ATF7IP2: variants seen among roughly 807,000 people sequenced by gnomAD.
ATF7IP2 encodes activating transcription factor 7 interacting protein 2, also known as activating transcription factor 7-interacting protein 2.
ATF7IP2 carries 42 observed loss-of-function variants against 64.2 expected under a neutral mutation model. The ratio of observed to expected loss-of-function variants is 0.65; its 90% CI spans 0.51 to 0.85. ATF7IP2 has a LOEUF of 0.85. ATF7IP2 is among the 40% of genes least tolerant of loss of function. ATF7IP2 has a pLI of 0.00. For synonymous variants in ATF7IP2, 308 were observed against 272.8 expected, an observed-to-expected ratio of 1.13 and a Z score of -1.27; for missense variants, 933 against 784.2, an observed-to-expected ratio of 1.19 and a Z score of -2.27.
chr16:10,392,536 C>G (rs753137590), intron 1 of ATF7IP2, among the ~76,000 whole-genome samples: 23 of 151,950 alleles, frequency 1.5e-4, no homozygotes, highest in Non-Finnish European at 2.9e-4. Flanking sequence ...GTTAATTATT[C>G]TAATATTTAA....
intron 8 of ATF7IP2, among the ~76,000 whole-genome samples, chr16:10,453,396 G>C (rs551417011): frequency 6.6e-6 from 1 of 152,086 alleles, no homozygotes; most frequent in Non-Finnish European, 1.5e-5. Context: ...GCTTTAGCTC[G>C]CTGTCTGTGG....
chr16:10,431,538 C>G lies in ATF7IP2; in HGVS notation c.835+83C>G. ...TATTTTAAAGTCTCAAATATACAAA[C>G]CAGTATAGACAGAAAAAAGGTAAAT... is the stretch of plus-strand genomic sequence containing the variant. On this transcript the variant is annotated intron_variant, in intron 5 of 13. Coordinates refer to ENST00000562102, the MANE Select transcript of ATF7IP2 (RefSeq NM_001393719.1). 1.1e-5 allele frequency: 10 copies of G among 872,944 alleles called. No individual in the cohort carries two copies. The South Asian group carries it at 1.9e-4, about 17-fold the overall frequency. The allele number at this position is 872,944 out of a possible 1,614,324, so 54.1% of individuals were successfully genotyped here.
intron 1 of ATF7IP2, among the ~76,000 whole-genome samples, chr16:10,404,602 GGCACGATCATGGCTTACT>G (rs1214910985): frequency 2.0e-5 from 3 of 152,022 alleles, no homozygotes; most frequent in Non-Finnish European, 4.4e-5. Flanking sequence ...AGTATGCAGT[GGCACGATCATGGCTTACT>G]GCAACCTCCA....
intron 9 of ATF7IP2, among the ~76,000 whole-genome samples, chr16:10,459,944 C>T (rs10163221): frequency 2.0e-5 from 3 of 151,454 alleles, no homozygotes; most frequent in African/African-American, 4.9e-5. Flanking sequence ...GCCAAAAAAT[C>T]GGGGGAAAAG....
intron 7 of ATF7IP2, 26 bp downstream of exon 7, chr16:10,438,261 T>C (rs181703519): frequency 6.3e-7 from 1 of 1,592,670 alleles, no homozygotes; most frequent in Admixed American, 1.8e-5. Flanking sequence ...ATTTGAGTCT[T>C]TTTTAGGGGA....
intron 9 of ATF7IP2, among the ~76,000 whole-genome samples, chr16:10,460,677 T>A (rs770794746): frequency 2.0e-5 from 3 of 152,172 alleles, no homozygotes; most frequent in Non-Finnish European, 4.4e-5. Flanking sequence ...GAAATTGGAC[T>A]CCTTTGTAAA....
At chr16:10,444,527 G>T (rs780813123) in intron 8 of ATF7IP2, among the ~76,000 whole-genome samples, 1 of 152,198 alleles carries the variant, frequency 6.6e-6, no homozygotes, top group African/African-American at 2.4e-5. Context: ...AGACAAAGTA[G>T]AAGATAGACC....
chr16:10,419,413 C>T (rs2047947298), intron 2 of ATF7IP2, among the ~76,000 whole-genome samples, 168 bp from the exon 3 acceptor site: 1 of 152,122 alleles, frequency 6.6e-6, no homozygotes, highest in Non-Finnish European at 1.5e-5. Context: ...CTGGGGGGTC[C>T]AGCCAAGTTA....
chr16:10,474,720 A>G (rs2049940483), intron 12 of ATF7IP2, among the ~76,000 whole-genome samples: 1 of 152,248 alleles, frequency 6.6e-6, no homozygotes, highest in Admixed American at 6.5e-5. Context: ...AAAAGAATTC[A>G]TACCAAGACA....
chr16:10,468,676 G>T (rs1350313128), intron 9 of ATF7IP2, among the ~76,000 whole-genome samples: 3 of 152,184 alleles, frequency 2.0e-5, no homozygotes. Flanking sequence ...GAGCTCTGAA[G>T]ATCTGCAAAG....
chr16:10,435,995 C>T (rs374419090), intron 6 of ATF7IP2, among the ~76,000 whole-genome samples: 13 of 152,268 alleles, frequency 8.5e-5, no homozygotes, highest in African/African-American at 2.9e-4. Flanking sequence ...ATATTGAACC[C>T]AGCCAGTGAA....
chr16:10,402,578 C>T (rs1056677357), intron 1 of ATF7IP2, among the ~76,000 whole-genome samples: 2 of 152,050 alleles, frequency 1.3e-5, no homozygotes, highest in African/African-American at 4.8e-5. Flanking sequence ...ATTCTTCCAC[C>T]TCAGCCTCCC....
rs369330700 is a variant in ATF7IP2 at position 10,410,829 on chromosome 16, T to C, written c.-241-3745T>C. On this transcript the variant is annotated intron_variant, in intron 1 of 13. Coordinates refer to ENST00000562102, the MANE Select transcript of ATF7IP2 (RefSeq NM_001393719.1). ...ATGTTTTCAACTTTTCCCCATTTAG[T>C]ATTATGTTGGCTGTGGATTTGTCAT... is the stretch of plus-strand genomic sequence containing the variant. 4.6e-5 allele frequency among the ~76,000 whole-genome samples: 7 copies of C among 152,360 alleles called. No homozygotes were observed. In the South Asian group the frequency reaches 1.5e-3, roughly 32 times the overall value.
At chr16:10,478,722 A>C (rs1053452994) in intron 12 of ATF7IP2, among the ~76,000 whole-genome samples, 21 of 152,348 alleles carry the variant, frequency 1.4e-4, no homozygotes, top group Non-Finnish European at 1.5e-4. Context: ...CAGGCAACCT[A>C]CAAAATGGGA....
intron 9 of ATF7IP2, among the ~76,000 whole-genome samples, chr16:10,466,319 G>C (rs569407918): frequency 1.3e-5 from 2 of 152,282 alleles, no homozygotes; most frequent in East Asian, 3.9e-4. Context: ...AAATATAAAT[G>C]GTGCTGCTGT....
chr16:10,454,540 C>T (rs2049104341), intron 8 of ATF7IP2, among the ~76,000 whole-genome samples: 1 of 151,344 alleles, frequency 6.6e-6, no homozygotes, highest in African/African-American at 2.4e-5. Flanking sequence ...TCTTGATCAA[C>T]CAGATTTTGT....
intron 1 of ATF7IP2, among the ~76,000 whole-genome samples, chr16:10,406,225 G>A (rs1387873532): frequency 6.6e-6 from 1 of 152,104 alleles, no homozygotes; most frequent in Non-Finnish European, 1.5e-5. Flanking sequence ...TGCCATCTCA[G>A]CCTCTCGAGT....
intron 3 of ATF7IP2, among the ~76,000 whole-genome samples, chr16:10,428,152 A>G (rs1331166056): frequency 6.6e-6 from 1 of 152,238 alleles, no homozygotes; most frequent in African/African-American, 2.4e-5. Flanking sequence ...ATCAGGATGG[A>G]GAAGAGGTGC....
At chr16:10,407,362 C>T (rs1162123803) in intron 1 of ATF7IP2, among the ~76,000 whole-genome samples, 2 of 152,160 alleles carry the variant, frequency 1.3e-5, no homozygotes, top group Non-Finnish European at 2.9e-5. Flanking sequence ...AGTTACTGAA[C>T]ATAGTACTAT....
Sources: gnomAD v4.1 joint callset for allele counts (sites outside exome capture counted in the v4.1 genomes callset) on GRCh38, gnomAD v4.1.1 for gene constraint, MANE v1.5 for transcripts, NCBI Gene and HGNC (gene_info 2026-07-23, HGNC 2026-07-21) for gene names.